Variants in MAML3 observed in about 807,000 individuals in gnomAD.
MAML3 encodes the protein mastermind-like protein 3.
MAML3 carries 27 observed loss-of-function variants against 101.9 expected under a neutral mutation model. The ratio of observed to expected loss-of-function variants is 0.27; its 90% CI spans 0.20 to 0.37. The LOEUF is 0.37. Ranked by LOEUF, MAML3 falls within the 10% of genes least tolerant of loss-of-function variation. The pLI, the probability that MAML3 is intolerant of heterozygous loss-of-function variation, is 1.00. For missense variants in MAML3, 1,316 were observed against 1,444.9 expected, an observed-to-expected ratio of 0.91 and a Z score of 1.45; for synonymous variants, 501 against 555.9, an observed-to-expected ratio of 0.90 and a Z score of 1.39.
intron 1 of MAML3, among the ~76,000 whole-genome samples, chr4:139,998,809 C>T (rs1234021535): frequency 6.6e-6 from 1 of 152,100 alleles, no homozygotes; most frequent in Non-Finnish European, 1.5e-5. Context: ...AGTATGAGGT[C>T]ACTGATGTCT....
At chr4:139,809,093 T>C (rs1730748050) in intron 2 of MAML3, among the ~76,000 whole-genome samples, 1 of 152,226 alleles carries the variant, frequency 6.6e-6, no homozygotes, top group African/African-American at 2.4e-5. Flanking sequence ...CCAGGGTTCT[T>C]ATTTCATCTC....
chr4:139,816,119 G>T (rs1045047773), intron 2 of MAML3, among the ~76,000 whole-genome samples: 6 of 152,132 alleles, frequency 3.9e-5, no homozygotes, highest in Admixed American at 3.9e-4. Flanking sequence ...GATGTTGATT[G>T]CATTGTTACT....
intron 1 of MAML3, among the ~76,000 whole-genome samples, chr4:140,007,864 G>A (rs1417836286): frequency 1.3e-5 from 2 of 152,090 alleles, no homozygotes; most frequent in African/African-American, 4.8e-5. Flanking sequence ...CCATTTTAAG[G>A]ACACGGCCCT....
Position 139,889,996 on chromosome 4 carries a change from T to G in MAML3, c.1440A>C (p.Lys480Asn), listed in dbSNP as rs1466883813. 3 of 1,612,106 alleles carry G rather than the reference T, an allele frequency of 1.9e-6. No homozygotes were observed. Among genetic ancestry groups the G allele is most frequent in the Admixed American group, 3.4e-5 (2 of 59,414 alleles). The change falls in exon 2 of 5, where the codon AAA becomes AAC. Residue 480 changes from lysine (K) to asparagine (N), a missense_variant. By Grantham distance (94) the Lys-to-Asn change is moderately conservative. Transcript: ENST00000509479. ...GCTGTTGCTGTTTCTGCTGCATGAG[T>G]TTGGCCCTTTGTTGCTGCTGTGCAG... Reference protein sequence around the residue: ...QMAAQQQQRAKLMQQKQQQQQ... With the variant: ...QMAAQQQQRANLMQQKQQQQQ...
intron 2 of MAML3, among the ~76,000 whole-genome samples, chr4:139,765,386 A>G (rs1381324968): frequency 6.6e-6 from 1 of 152,248 alleles, no homozygotes; most frequent in East Asian, 1.9e-4. Flanking sequence ...AATCTTTAAA[A>G]TAATTTAAAA....
At chr4:140,071,036 T>A (rs763624440) in intron 1 of MAML3, among the ~76,000 whole-genome samples, 33 of 152,184 alleles carry the variant, frequency 2.2e-4, no homozygotes, top group Non-Finnish European at 4.0e-4. Flanking sequence ...AAGGCAGCAT[T>A]TTTCTGCCCT....
chr4:139,978,960 T>C (rs1560855468), intron 1 of MAML3, among the ~76,000 whole-genome samples: 1 of 75,910 alleles, frequency 1.3e-5, no homozygotes, highest in Non-Finnish European at 3.2e-5. Flanking sequence ...ATGACTACTT[T>C]CAAAGAGCTC....
At chr4:139,924,591 T>C (rs1733185573) in intron 1 of MAML3, among the ~76,000 whole-genome samples, 1 of 152,186 alleles carries the variant, frequency 6.6e-6, no homozygotes. Context: ...AATTGTTAAA[T>C]GATTACTAAA....
At chr4:140,132,073 C>T (rs949305961) in intron 1 of MAML3, among the ~76,000 whole-genome samples, 1 of 152,204 alleles carries the variant, frequency 6.6e-6, no homozygotes, top group Non-Finnish European at 1.5e-5. Context: ...CAGGGTGGAG[C>T]CTACACCCAT....
At chr4:139,815,243 C>T (rs1298853369) in intron 2 of MAML3, among the ~76,000 whole-genome samples, 2 of 152,066 alleles carry the variant, frequency 1.3e-5, no homozygotes, top group African/African-American at 4.8e-5. Context: ...AAGGTAAGAT[C>T]CTGAAGTGTA....
At chr4:140,148,993 T>A (rs762786587) in intron 1 of MAML3, among the ~76,000 whole-genome samples, 26 of 152,224 alleles carry the variant, frequency 1.7e-4, no homozygotes, top group Non-Finnish European at 3.4e-4. Flanking sequence ...ATCACCATTT[T>A]AAAATTTTGA....
chr4:139,791,479 G>A (rs1191619077), intron 2 of MAML3, among the ~76,000 whole-genome samples: 3 of 139,744 alleles, frequency 2.1e-5, no homozygotes, highest in African/African-American at 8.1e-5. Flanking sequence ...CTCCAGCCCA[G>A]GAGACAGAGT....
intron 1 of MAML3, among the ~76,000 whole-genome samples, chr4:140,092,129 T>C (rs1197670844): frequency 1.2e-4 from 17 of 143,480 alleles, no homozygotes; most frequent in Non-Finnish European, 4.6e-5. Context: ...CGTATATATA[T>C]ATAATATCAG....
intron 2 of MAML3, among the ~76,000 whole-genome samples, chr4:139,746,550 G>A (rs777771483): frequency 6.6e-6 from 1 of 152,116 alleles, no homozygotes; most frequent in African/African-American, 2.4e-5. Context: ...TCACCTATTT[G>A]TTCTGTCTTC....
At chr4:140,122,754 T>C (rs1237516947) in intron 1 of MAML3, among the ~76,000 whole-genome samples, 4 of 132,366 alleles carry the variant, frequency 3.0e-5, no homozygotes, top group Admixed American at 8.7e-5. Flanking sequence ...ATCCCGCCAC[T>C]GCACTCCAGC....
chr4:139,951,661 G>A (rs572308360), intron 1 of MAML3, among the ~76,000 whole-genome samples: 42 of 152,042 alleles, frequency 2.8e-4, no homozygotes, highest in South Asian at 1.5e-3. Context: ...GTGGCTTCTC[G>A]GCAGCTCTGT....
chr4:140,063,526 C>T lies in MAML3; in HGVS notation c.468+89334G>A, dbSNP rs77789792. On this transcript the variant is annotated intron_variant, in intron 1 of 4. Coordinates refer to ENST00000509479, the MANE Select transcript of MAML3 (RefSeq NM_018717.5). Reference sequence around the variant, plus strand: ...CTCTCAGCACTATCTCTGCTTCCTACCTGGTCCACATTTTGGGTAGCCTTA... The same window carrying T: ...CTCTCAGCACTATCTCTGCTTCCTATCTGGTCCACATTTTGGGTAGCCTTA... Among the ~76,000 whole-genome samples, 1,095 of 152,320 alleles carry T rather than the reference C, an allele frequency of 7.2e-3. 12 individuals carry two copies. The highest frequency in any genetic ancestry group is 0.025 in the African/African-American group (1,044 of 41,568).
At chr4:139,736,220 A>G (rs1424540333) in intron 2 of MAML3, among the ~76,000 whole-genome samples, 5 of 152,208 alleles carry the variant, frequency 3.3e-5, no homozygotes, top group South Asian at 2.1e-4. Context: ...ACGAAATTGT[A>G]TATATCAAAA....
chr4:140,051,443 G>A (rs1727266340), intron 1 of MAML3, among the ~76,000 whole-genome samples: 1 of 152,020 alleles, frequency 6.6e-6, no homozygotes, highest in African/African-American at 2.4e-5. Flanking sequence ...TGTAATCCCA[G>A]CTACTTGGGA....
Sources: allele counts gnomAD v4.1 joint callset (sites outside exome capture counted in the v4.1 genomes callset), GRCh38; gene constraint gnomAD v4.1.1; transcripts MANE v1.5; gene names NCBI Gene and HGNC (gene_info 2026-07-23, HGNC 2026-07-21).